The following DOCK10 variants were observed in gnomAD, a reference collection of about 807,000 sequenced individuals.
DOCK10 encodes the protein dedicator of cytokinesis protein 10.
Under a neutral mutation model 280.1 loss-of-function variants are expected in DOCK10, and 145 were observed. The observed-to-expected ratio is 0.52, with a 90% CI of 0.45 to 0.59. The LOEUF is 0.59. Among genes scored for constraint, DOCK10 ranks in the 20% least tolerant of loss-of-function variants. The probability of loss-of-function intolerance (pLI) is 0.00; values close to 1 mark genes in which losing one functional copy is unlikely to be tolerated. For missense variants in DOCK10, 2,368 were observed against 2,651.7 expected (o/e 0.89, Z 2.35); for synonymous variants, 915 against 942.2 (o/e 0.97, Z 0.53).
chr2:224,864,526 G>T (rs913571948), intron 13 of DOCK10, 27 bp downstream of exon 13: 2 of 1,518,252 alleles, frequency 1.3e-6, no homozygotes, highest in Admixed American at 2.5e-5. Context: ...AAAAGGAAGT[G>T]AAGTTATTTA....
chr2:224,882,197 T>C (rs1699017035), intron 7 of DOCK10, among the ~76,000 whole-genome samples: 1 of 152,144 alleles, frequency 6.6e-6, no homozygotes, highest in African/African-American at 2.4e-5. Flanking sequence ...AATGGATGGA[T>C]AGATGAATGA....
Position 224,865,103 on chromosome 2 carries a change from A to G in DOCK10, c.1258-16T>C, listed in dbSNP as rs771545491. The G allele has an allele frequency of 6.2e-7, 1 of 1,608,332 alleles. No homozygotes were observed. The highest frequency in any genetic ancestry group is 8.5e-7 in the Non-Finnish European group (1 of 1,176,524). On this transcript the variant is annotated splice_polypyrimidine_tract_variant and intron_variant, in intron 11 of 55. Transcript: ENST00000258390. ...AAGGCTCAATCTGCATGAAAAAGAA[A>G]GAACAGATGTTTTTGATATAAAATC... is the stretch of plus-strand genomic sequence containing the variant.
intron 47 of DOCK10, 97 bp from the exon 48 acceptor site, chr2:224,789,267 T>C: frequency 1.4e-6 from 1 of 724,728 alleles, no homozygotes; most frequent in Non-Finnish European, 2.4e-6. Flanking sequence ...AGTGGTAGTA[T>C]TACAAAGCTC....
At chr2:224,914,301 C>T (rs992310721) in intron 3 of DOCK10, among the ~76,000 whole-genome samples, 21 of 151,940 alleles carry the variant, frequency 1.4e-4, no homozygotes, top group African/African-American at 4.6e-4. Context: ...ATGTAGAGTG[C>T]CCCAATTTAT....
chr2:224,787,691 C>A (rs912083463), intron 48 of DOCK10, among the ~76,000 whole-genome samples: 1 of 152,154 alleles, frequency 6.6e-6, no homozygotes, highest in Non-Finnish European at 1.5e-5. Context: ...TAGTTTTGAG[C>A]GAGTCTGTTT....
At chr2:224,989,571 C>G (rs1248485720) in intron 1 of DOCK10, among the ~76,000 whole-genome samples, 2 of 152,134 alleles carry the variant, frequency 1.3e-5, no homozygotes. Flanking sequence ...GGGGATTTTG[C>G]CCCCAGTCAG....
chr2:224,976,248 AG>A (rs1250342196), intron 1 of DOCK10, among the ~76,000 whole-genome samples: 1 of 151,546 alleles, frequency 6.6e-6, no homozygotes, highest in Non-Finnish European at 1.5e-5. Context: ...GTGGGGGGAA[AG>A]GGGAGGGAGA....
chr2:224,944,227 C>T (rs1703265345), intron 1 of DOCK10, among the ~76,000 whole-genome samples: 1 of 152,184 alleles, frequency 6.6e-6, no homozygotes, highest in Non-Finnish European at 1.5e-5. Context: ...AAGCACTCAG[C>T]TTAATGCAGT....
At chr2:224,886,222 T>C (rs1699272005) in intron 5 of DOCK10, 37 bp from the exon 6 acceptor site, 1 of 1,613,162 alleles carries the variant, frequency 6.2e-7, no homozygotes, top group Admixed American at 1.7e-5. Flanking sequence ...AGCCATCTTT[T>C]GTGGATCCTA....
chr2:224,980,369 GT>G lies in DOCK10; in HGVS notation c.124-48702del, dbSNP rs140329970. Reference sequence around the variant, plus strand: ...ACAGAAAATATTTTCATTGGCTAAAGTTTGTAGACTAAGTGTCACAATTGTA... The same window carrying G: ...ACAGAAAATATTTTCATTGGCTAAAGTTGTAGACTAAGTGTCACAATTGTA... On this transcript the variant is annotated intron_variant, in intron 1 of 55. Coordinates refer to ENST00000258390, the MANE Select transcript of DOCK10 (RefSeq NM_014689.3). Among the ~76,000 whole-genome samples, 971 of 152,356 alleles carry G rather than the reference GT, an allele frequency of 6.4e-3. 6 individuals are homozygous for G. Among genetic ancestry groups the G allele is most frequent in the African/African-American group, 0.022 (900 of 41,582 alleles).
chr2:224,887,597 G>A (rs1699386411), intron 4 of DOCK10, among the ~76,000 whole-genome samples: 1 of 152,086 alleles, frequency 6.6e-6, no homozygotes, highest in Non-Finnish European at 1.5e-5. Context: ...ATGTCTAGCT[G>A]TTTGGCCCCC....
intron 4 of DOCK10, among the ~76,000 whole-genome samples, chr2:224,886,920 T>C (rs1306074194): frequency 3.4e-5 from 5 of 145,574 alleles, no homozygotes; most frequent in Admixed American, 2.7e-4. Flanking sequence ...ATTACAGGCA[T>C]GTACCACCAT....
rs1368474882 is a variant in DOCK10, at chr2:224,849,605, T to G, written c.2143-6A>C. 1 of 1,577,142 alleles carries G rather than the reference T, an allele frequency of 6.3e-7. No individual in the cohort carries two copies. Among genetic ancestry groups the G allele is most frequent in the Non-Finnish European group, 8.7e-7 (1 of 1,155,190 alleles). ...CCAGGTTTTCCATAAATACACTGTT[T>G]GAAAAGTTATGAGTTGAACAATTAT... On this transcript the variant is annotated splice_polypyrimidine_tract_variant and splice_region_variant and intron_variant, in intron 18 of 55. Transcript: ENST00000258390.
intron 3 of DOCK10, among the ~76,000 whole-genome samples, chr2:224,908,178 G>GTGTA (rs1553610677): frequency 9.1e-5 from 9 of 98,706 alleles, no homozygotes; most frequent in South Asian, 3.1e-4. Flanking sequence ...GTGTGTGTGT[G>GTGTA]TGTGTATGTG....
intron 11 of DOCK10, among the ~76,000 whole-genome samples, chr2:224,871,515 G>A (rs1698285947): frequency 6.6e-6 from 1 of 152,090 alleles, no homozygotes. Flanking sequence ...TTAAACCATT[G>A]AATAGCTTCC....
chr2:224,941,229 A>C (rs1703049728), intron 1 of DOCK10, among the ~76,000 whole-genome samples: 1 of 146,516 alleles, frequency 6.8e-6, no homozygotes, highest in East Asian at 2.0e-4. Flanking sequence ...GTAAGCTTGG[A>C]TTTTGAAGAC....
chr2:224,846,821 T>TTGC (rs1260996064), intron 19 of DOCK10, among the ~76,000 whole-genome samples: 1 of 152,204 alleles, frequency 6.6e-6, no homozygotes, highest in African/African-American at 2.4e-5. Context: ...TTTTTGATTT[T>TTGC]TGTTGTTGTT....
chr2:224,878,153 TC>T (rs201044701), intron 7 of DOCK10, among the ~76,000 whole-genome samples: 2,657 of 152,326 alleles, frequency 0.017, 77 homozygotes, highest in African/African-American at 0.061. Flanking sequence ...GGCAATGTTC[TC>T]TTTCTTTGGG....
chr2:224,930,516 CAG>C (rs1295303433), intron 2 of DOCK10, among the ~76,000 whole-genome samples: 4 of 151,416 alleles, frequency 2.6e-5, no homozygotes, highest in Non-Finnish European at 5.9e-5. Flanking sequence ...ACACTTGAAA[CAG>C]AAAATCATTA....
Sources: gnomAD v4.1 joint callset for allele counts (sites outside exome capture counted in the v4.1 genomes callset) on GRCh38, gnomAD v4.1.1 for gene constraint, MANE v1.5 for transcripts, NCBI Gene and HGNC (gene_info 2026-07-23, HGNC 2026-07-21) for gene names.